Variants in ARHGEF28 observed in about 807,000 individuals in gnomAD.
ARHGEF28 encodes 190 kDa guanine nucleotide exchange factor.
ARHGEF28 carries 152 observed loss-of-function variants against 206.6 expected under a neutral mutation model. The ratio of observed to expected loss-of-function variants is 0.74; its 90% CI spans 0.64 to 0.84. The LOEUF (loss-of-function observed/expected upper bound fraction) is 0.84. Among genes scored for constraint, ARHGEF28 ranks in the 40% least tolerant of loss-of-function variants. ARHGEF28 has a pLI of 0.00. For missense variants in ARHGEF28, 2,028 were observed against 2,073.2 expected, an observed-to-expected ratio of 0.98 and a Z score of 0.42; for synonymous variants, 763 against 776.4, an observed-to-expected ratio of 0.98 and a Z score of 0.29.
At chr5:73,870,415 A>C (rs1043994589) in intron 21 of ARHGEF28, among the ~76,000 whole-genome samples, 4 of 152,186 alleles carry the variant, frequency 2.6e-5, no homozygotes, top group Non-Finnish European at 5.9e-5. Flanking sequence ...CAAAAACCAC[A>C]ATCGGTTTTG....
intron 18 of ARHGEF28, 72 bp from the exon 19 acceptor site, chr5:73,867,804 G>T: frequency 6.3e-7 from 1 of 1,596,178 alleles, no homozygotes; most frequent in Non-Finnish European, 8.6e-7. Context: ...TAGCTTTCTG[G>T]CTTTTAAGTG....
chr5:73,846,181 A>C, intron 11 of ARHGEF28, 87 bp from the exon 12 acceptor site: 5 of 1,204,056 alleles, frequency 4.2e-6, no homozygotes, highest in Non-Finnish European at 5.9e-6. Flanking sequence ...CGCCCCAGTG[A>C]AAGAATCTGG....
At chr5:73,892,604 ATG>A (rs768602916) in intron 27 of ARHGEF28, among the ~76,000 whole-genome samples, 13 of 152,104 alleles carry the variant, frequency 8.5e-5, no homozygotes, top group Non-Finnish European at 1.5e-4. Context: ...TTATGTACAT[ATG>A]TGTGTGTTTA....
chr5:73,703,723 TA>T (rs1748741387), intron 2 of ARHGEF28, among the ~76,000 whole-genome samples: 1 of 151,930 alleles, frequency 6.6e-6, no homozygotes, highest in African/African-American at 2.4e-5. Flanking sequence ...CACTCTTTTT[TA>T]CAAGTCTTGG....
chr5:73,845,534 C>T (rs75942228), intron 11 of ARHGEF28, among the ~76,000 whole-genome samples: 7,647 of 152,190 alleles, frequency 0.05, 275 homozygotes, highest in South Asian at 0.077. Context: ...ATGCAAATCC[C>T]CCCCAGAAGC....
intron 35 of ARHGEF28, among the ~76,000 whole-genome samples, chr5:73,915,074 A>G (rs576812618): frequency 4.6e-5 from 7 of 152,346 alleles, no homozygotes; most frequent in African/African-American, 1.7e-4. Flanking sequence ...TGGTTTAGAT[A>G]TAGAACTAAT....
At chr5:73,821,245 T>A (rs748887740) in intron 9 of ARHGEF28, among the ~76,000 whole-genome samples, 6 of 152,138 alleles carry the variant, frequency 3.9e-5, no homozygotes, top group Non-Finnish European at 5.9e-5. Flanking sequence ...TTGGCTTTCA[T>A]CATTCATTCA....
chr5:73,681,814 C>CAA (rs879719978), intron 1 of ARHGEF28, among the ~76,000 whole-genome samples: 1 of 145,264 alleles, frequency 6.9e-6, no homozygotes, highest in African/African-American at 2.5e-5. Context: ...AACTCTGTCT[C>CAA]AAAAAAAAAA....
At chr5:73,730,447 A>G (rs1030056387) in intron 2 of ARHGEF28, among the ~76,000 whole-genome samples, 5 of 151,832 alleles carry the variant, frequency 3.3e-5, no homozygotes, top group Non-Finnish European at 5.9e-5. Context: ...AGGCAAAATA[A>G]AGGAAAATAT....
At chr5:73,902,867 G>C (rs1030238014) in intron 31 of ARHGEF28, 1 of 152,134 alleles carries the variant, frequency 6.6e-6, no homozygotes, top group African/African-American at 2.4e-5. Flanking sequence ...AATTTTTATA[G>C]ACTATAAAAA....
chr5:73,675,812 G>A (rs1746629192), intron 1 of ARHGEF28, among the ~76,000 whole-genome samples: 1 of 150,836 alleles, frequency 6.6e-6, no homozygotes. Context: ...AAGGAACATA[G>A]GATCATGGTT....
intron 9 of ARHGEF28, among the ~76,000 whole-genome samples, chr5:73,818,186 G>A (rs977265097): frequency 6.6e-6 from 1 of 152,062 alleles, no homozygotes; most frequent in Non-Finnish European, 1.5e-5. Flanking sequence ...GAGAGATTAG[G>A]CATGCGGGGA....
intron 4 of ARHGEF28, among the ~76,000 whole-genome samples, chr5:73,757,348 T>A (rs73763111): frequency 6.6e-6 from 1 of 152,258 alleles, no homozygotes. Flanking sequence ...TGTTCACTTT[T>A]ATTAAAATTT....
intron 4 of ARHGEF28, among the ~76,000 whole-genome samples, chr5:73,772,610 C>A (rs1753285950): frequency 6.6e-6 from 1 of 152,198 alleles, no homozygotes; most frequent in South Asian, 2.1e-4. Context: ...AGCTCCTGGG[C>A]TCAAGTGATC....
intron 12 of ARHGEF28, among the ~76,000 whole-genome samples, chr5:73,846,711 A>G (rs539146172): frequency 1.3e-5 from 2 of 152,334 alleles, no homozygotes; most frequent in East Asian, 3.9e-4. Flanking sequence ...CCATGAGTAC[A>G]TACCATCTTT....
intron 2 of ARHGEF28, among the ~76,000 whole-genome samples, chr5:73,700,207 G>GTT (rs1176211115): frequency 1.3e-5 from 2 of 152,258 alleles, no homozygotes; most frequent in Admixed American, 6.5e-5. Context: ...AAATATGGTG[G>GTT]TTTTTTAAAA....
chr5:73,889,947 C>A (rs927275545), intron 26 of ARHGEF28, among the ~76,000 whole-genome samples: 1 of 152,194 alleles, frequency 6.6e-6, no homozygotes, highest in Non-Finnish European at 1.5e-5. Context: ...AAGTGAAATC[C>A]TCTAGTATTT....
chr5:73,782,598 G>A (rs1753913411), intron 7 of ARHGEF28, among the ~76,000 whole-genome samples: 1 of 152,154 alleles, frequency 6.6e-6, no homozygotes, highest in African/African-American at 2.4e-5. Context: ...CACCTTCTTG[G>A]AGCCCAAGGG....
chr5:73,768,387 A>G lies in ARHGEF28; in HGVS notation c.476-5468A>G, dbSNP rs569916517. On this transcript the variant is annotated intron_variant, in intron 4 of 35. Transcript: ENST00000513042. ...GCTGGGAGGGAGGCTTTACCCTGCA[A>G]AGCCACAGGGGCAGAGCTGCCCAAG... Among the ~76,000 whole-genome samples the G allele has an allele frequency of 1.6e-4, 25 of 152,296 alleles. No individual in the cohort carries two copies. In the East Asian group the frequency reaches 2.1e-3, roughly 13 times the overall value.
Sources: allele counts gnomAD v4.1 joint callset (sites outside exome capture counted in the v4.1 genomes callset), GRCh38; gene constraint gnomAD v4.1.1; transcripts MANE v1.5; gene names NCBI Gene and HGNC (gene_info 2026-07-23, HGNC 2026-07-21).